Variants in MSRA observed in about 807,000 individuals in gnomAD.
MSRA encodes the protein mitochondrial peptide methionine sulfoxide reductase.
MSRA carries 54 observed loss-of-function variants against 31.3 expected under a neutral mutation model. The observed-to-expected ratio is 1.73, with a 90% CI of 1.39 to 2.17. The LOEUF is 2.17. Among genes scored for constraint, MSRA ranks in the 30% most tolerant of loss-of-function variants. MSRA has a pLI of 0.00. For synonymous variants in MSRA, 169 were observed against 116.5 expected, an observed-to-expected ratio of 1.45 and a Z score of -2.90; for missense variants, 507 against 300.9, an observed-to-expected ratio of 1.69 and a Z score of -5.07.
chr8:10,338,348 G>A (rs1435439405), intron 5 of MSRA, among the ~76,000 whole-genome samples: 1 of 152,198 alleles, frequency 6.6e-6, no homozygotes, highest in African/African-American at 2.4e-5. Context: ...AGGGTGGAGT[G>A]GGGAAGGGAG....
chr8:10,207,819 T>TC lies in MSRA; in HGVS notation c.143-14_143-13insC. 6.3e-7 allele frequency: 1 copy of TC among 1,596,908 alleles called. No homozygotes were observed. The highest frequency in any genetic ancestry group is 2.2e-5 in the East Asian group (1 of 44,686). On this transcript the variant is annotated splice_polypyrimidine_tract_variant and intron_variant, in intron 1 of 5. Transcript: ENST00000317173. ...TTTACACTTAAACTTGCATTTCTTT[T>TC]TTTTTTTTTCTAGCCAAACATCATG...
At chr8:10,305,825 C>T (rs1025583157) in intron 4 of MSRA, among the ~76,000 whole-genome samples, 1 of 152,140 alleles carries the variant, frequency 6.6e-6, no homozygotes, top group Non-Finnish European at 1.5e-5. Context: ...AGCCACTAGA[C>T]AGTGAGTCTG....
intron 3 of MSRA, among the ~76,000 whole-genome samples, chr8:10,266,587 T>G (rs2952185): frequency 4.6e-5 from 7 of 151,624 alleles, no homozygotes; most frequent in African/African-American, 1.7e-4. Flanking sequence ...TTCTAAATTT[T>G]GATGAGATCC....
At chr8:10,258,375 A>G (rs1443811647) in intron 3 of MSRA, among the ~76,000 whole-genome samples, 2 of 152,256 alleles carry the variant, frequency 1.3e-5, no homozygotes, top group Admixed American at 1.3e-4. Flanking sequence ...TCACTGGCTA[A>G]TTGGAAAGCA....
At chr8:10,216,595 C>T (rs1810012866) in intron 2 of MSRA, among the ~76,000 whole-genome samples, 2 of 152,226 alleles carry the variant, frequency 1.3e-5, no homozygotes, top group South Asian at 2.1e-4. Flanking sequence ...CCCCCAGCCC[C>T]TGGTAACCTC....
At chr8:10,113,571 T>G (rs768894138) in intron 1 of MSRA, among the ~76,000 whole-genome samples, 1 of 151,702 alleles carries the variant, frequency 6.6e-6, no homozygotes, top group South Asian at 2.1e-4. Flanking sequence ...GTGGTGGGCT[T>G]GGAGATTTGA....
intron 1 of MSRA, among the ~76,000 whole-genome samples, chr8:10,168,631 G>A (rs1386701135): frequency 6.6e-6 from 1 of 152,196 alleles, no homozygotes; most frequent in African/African-American, 2.4e-5. Flanking sequence ...GTGAAGCTCA[G>A]AGAAGGGAAG....
intron 1 of MSRA, among the ~76,000 whole-genome samples, chr8:10,164,853 C>A (rs1429079975): frequency 3.9e-5 from 6 of 152,096 alleles, no homozygotes; most frequent in Non-Finnish European, 5.9e-5. Flanking sequence ...CATAGTGAAA[C>A]CCTGTCTCTA....
intron 3 of MSRA, among the ~76,000 whole-genome samples, chr8:10,272,785 A>C (rs1315685113): frequency 2.0e-5 from 3 of 152,166 alleles, no homozygotes; most frequent in Non-Finnish European, 4.4e-5. Flanking sequence ...GAGGGAGAGA[A>C]ATTTTTGTCA....
intron 5 of MSRA, among the ~76,000 whole-genome samples, chr8:10,394,917 A>C (rs1806999860): frequency 6.6e-6 from 1 of 152,230 alleles, no homozygotes; most frequent in Non-Finnish European, 1.5e-5. Flanking sequence ...ATTTCCATTC[A>C]GTTCAATCCA....
chr8:10,284,516 A>C (rs1799829965), intron 3 of MSRA, among the ~76,000 whole-genome samples: 1 of 152,206 alleles, frequency 6.6e-6, no homozygotes, highest in South Asian at 2.1e-4. Context: ...TTTTTTGAAA[A>C]GGTTTACAGA....
chr8:10,226,291 G>C (rs1318953237), intron 2 of MSRA, among the ~76,000 whole-genome samples: 6 of 152,232 alleles, frequency 3.9e-5, no homozygotes, highest in Admixed American at 1.3e-4. Context: ...CAGCTCTGCT[G>C]TTCCTTCTGG....
chr8:10,350,573 C>G (rs1563381261), intron 5 of MSRA, among the ~76,000 whole-genome samples: 1 of 152,230 alleles, frequency 6.6e-6, no homozygotes. Context: ...CGAATTGGAA[C>G]TCACTGGTCA....
At chr8:10,065,030 C>T (rs752636532) in intron 1 of MSRA, among the ~76,000 whole-genome samples, 3 of 152,116 alleles carry the variant, frequency 2.0e-5, no homozygotes, top group Admixed American at 6.5e-5. Flanking sequence ...GAAGGCATTG[C>T]ATTGCTGAAA....
chr8:10,158,634 G>A (rs1481876043), intron 1 of MSRA, among the ~76,000 whole-genome samples: 1 of 152,198 alleles, frequency 6.6e-6, no homozygotes, highest in Non-Finnish European at 1.5e-5. Flanking sequence ...TTCATCAGTT[G>A]ACAGACATTT....
intron 1 of MSRA, among the ~76,000 whole-genome samples, chr8:10,073,220 C>G (rs184716395): frequency 2.8e-3 from 425 of 152,282 alleles, no homozygotes; most frequent in Non-Finnish European, 4.3e-3. Flanking sequence ...CAGCCTTTCA[C>G]TAAACTATCA....
intron 5 of MSRA, among the ~76,000 whole-genome samples, chr8:10,324,058 T>G (rs35965591): frequency 0.57 from 87,018 of 151,896 alleles, 25,222 homozygotes; most frequent in African/African-American, 0.6. Flanking sequence ...AAACCCAGAG[T>G]TTCAGACTAG....
chr8:10,212,476 A>G (rs974640841), intron 2 of MSRA, among the ~76,000 whole-genome samples: 8 of 152,222 alleles, frequency 5.3e-5, no homozygotes, highest in African/African-American at 1.7e-4. Flanking sequence ...TTGCAATGAC[A>G]TAGATTGGAT....
chr8:10,083,796 G>T (rs78819994), intron 1 of MSRA, among the ~76,000 whole-genome samples: 1 of 151,922 alleles, frequency 6.6e-6, no homozygotes, highest in African/African-American at 2.4e-5. Flanking sequence ...GATTAATGGC[G>T]TCTGTATTCA....
Sources: gnomAD v4.1 joint callset for allele counts (sites outside exome capture counted in the v4.1 genomes callset) on GRCh38, gnomAD v4.1.1 for gene constraint, MANE v1.5 for transcripts, NCBI Gene and HGNC (gene_info 2026-07-23, HGNC 2026-07-21) for gene names.